Variants in NT5M observed in about 807,000 individuals in gnomAD.
The protein encoded by NT5M is 5'(3')-deoxyribonucleotidase, mitochondrial.
Under a neutral mutation model 22.2 loss-of-function variants are expected in NT5M, and 22 were observed. The observed-to-expected ratio is 0.99, with a 90% CI of 0.71 to 1.41. The LOEUF is 1.41. Ranked by LOEUF, NT5M falls within the 40% of genes most tolerant of loss-of-function variation. The pLI, the probability that NT5M is intolerant of heterozygous loss-of-function variation, is 0.00. For synonymous variants in NT5M, 167 were observed against 133.0 expected (o/e 1.26, Z -1.76); for missense variants, 322 against 314.8 (o/e 1.02, Z -0.17).
chr17:17,323,161 C>T (rs2049187396), intron 2 of NT5M, 24 bp from the exon 3 acceptor site: 9 of 1,611,962 alleles, frequency 5.6e-6, no homozygotes, highest in Non-Finnish European at 7.6e-6. Flanking sequence ...GCTGCAGGCT[C>T]AACCTCCTTT....
chr17:17,346,779 G>T, intron 4 of NT5M, 26 bp from the exon 5 acceptor site: 1 of 1,604,816 alleles, frequency 6.2e-7, no homozygotes, highest in Non-Finnish European at 8.5e-7. Context: ...CCACTGCTGA[G>T]CTGAATGCCG....
chr17:17,312,643 T>TGA (rs1483256168), intron 2 of NT5M, among the ~76,000 whole-genome samples: 1 of 32,230 alleles, frequency 3.1e-5, no homozygotes, highest in Non-Finnish European at 6.8e-5. Flanking sequence ...AAACTCCATC[T>TGA]CAAAAAAAAA....
Position 17,303,576 on chromosome 17 carries a change from C to T in NT5M, c.26C>T (p.Ala9Val). 1 of 1,136,122 alleles carries T rather than the reference C, an allele frequency of 8.8e-7. No individual in the cohort carries two copies. Among genetic ancestry groups the T allele is most frequent in the East Asian group, 5.0e-5 (1 of 20,136 alleles). The allele number at this position is 1,136,122 out of a possible 1,614,324, so 70.4% of individuals were successfully genotyped here. A position where few individuals can be genotyped will look rare whatever the true frequency, so the allele number is the denominator to read the frequency against. The change falls in exon 1 of 5, where the codon GCG (alanine) becomes GTG (valine). Residue 9 changes from alanine to valine, a missense_variant. Coordinates refer to ENST00000389022, the MANE Select transcript of NT5M (RefSeq NM_020201.4). Reference protein sequence around the residue: MIRLGGWCARRLCSAAVPA... With the variant: MIRLGGWCVRRLCSAAVPA... ...ATGATCCGGCTGGGCGGCTGGTGTG[C>T]GCGGCGGCTCTGCAGCGCGGCGGTT...
intron 4 of NT5M, among the ~76,000 whole-genome samples, chr17:17,346,312 G>C (rs2049757394): frequency 6.6e-6 from 1 of 152,240 alleles, no homozygotes; most frequent in Non-Finnish European, 1.5e-5. Context: ...GCACCAGTGT[G>C]GACACGAGGG....
At chr17:17,343,651 TGGCAGAGCCC>T in intron 3 of NT5M, among the ~76,000 whole-genome samples, 1 of 152,036 alleles carries the variant, frequency 6.6e-6, no homozygotes, top group East Asian at 1.9e-4. Context: ...TGCCCCAGGG[TGGCAGAGCCC>T]TGAGCTCCCT....
intron 3 of NT5M, among the ~76,000 whole-genome samples, chr17:17,332,009 C>T (rs1193277613): frequency 8.8e-5 from 13 of 148,304 alleles, no homozygotes; most frequent in Non-Finnish European, 1.5e-4. Context: ...CTTGATTTCC[C>T]GACCTCATGA....
intron 2 of NT5M, among the ~76,000 whole-genome samples, chr17:17,313,610 T>G (rs2048964328): frequency 6.6e-6 from 1 of 152,240 alleles, no homozygotes; most frequent in African/African-American, 2.4e-5. Flanking sequence ...CAGCATCTGC[T>G]GCATGCTCAG....
intron 2 of NT5M, among the ~76,000 whole-genome samples, chr17:17,312,803 AAAT>A (rs2048947983): frequency 6.6e-6 from 1 of 151,786 alleles, no homozygotes; most frequent in Non-Finnish European, 1.5e-5. Context: ...TACTAAAAAA[AAAT>A]AATAATAGTA....
At chr17:17,334,518 C>T (rs371892914) in intron 3 of NT5M, among the ~76,000 whole-genome samples, 163 of 131,532 alleles carry the variant, frequency 1.2e-3, no homozygotes, top group African/African-American at 4.6e-3. Context: ...CTTGCTCTGT[C>T]GCCAGGCTGG....
At chr17:17,324,210 G>A (rs564618495) in intron 3 of NT5M, among the ~76,000 whole-genome samples, 1 of 150,888 alleles carries the variant, frequency 6.6e-6, no homozygotes, top group Non-Finnish European at 1.5e-5. Flanking sequence ...ATGGTCAGGC[G>A]CGGTGGCTCA....
At chr17:17,340,980 T>A (rs957679163) in intron 3 of NT5M, among the ~76,000 whole-genome samples, 7 of 152,324 alleles carry the variant, frequency 4.6e-5, no homozygotes, top group African/African-American at 1.7e-4. Flanking sequence ...CTCTTAGTAC[T>A]GCTTTTGCTG....
chr17:17,332,834 C>A (rs1289879540), intron 3 of NT5M, among the ~76,000 whole-genome samples: 1 of 152,124 alleles, frequency 6.6e-6, no homozygotes, highest in Admixed American at 6.6e-5. Flanking sequence ...CTCCCGGTAT[C>A]CTGCGTTCTG....
intron 2 of NT5M, among the ~76,000 whole-genome samples, chr17:17,312,861 T>G (rs2145335251): frequency 6.6e-6 from 1 of 152,080 alleles, no homozygotes; most frequent in South Asian, 2.1e-4. Flanking sequence ...TAGTCCTAGC[T>G]ACTTGGGAAG....
chr17:17,315,820 T>G (rs11870836), intron 2 of NT5M, among the ~76,000 whole-genome samples: 27,976 of 143,018 alleles, frequency 0.2, 2,935 homozygotes, highest in South Asian at 0.31. Flanking sequence ...AGCGGTGTGA[T>G]CCCAGCTCAC....
intron 3 of NT5M, among the ~76,000 whole-genome samples, chr17:17,336,237 C>A (rs185990532): frequency 6.7e-6 from 1 of 148,272 alleles, no homozygotes; most frequent in South Asian, 2.2e-4. Context: ...CTCCTGACCT[C>A]GTGATCCGCC....
Position 17,306,574 on chromosome 17 carries a change from A to G in NT5M, c.299A>G (p.Asn100Ser). ...GCCATCAGCATTTGGGAGTCAAAGA[A>G]TTTCTTTTTTGAACTTGAGCCTCTG... is the stretch of plus-strand genomic sequence containing the variant. ...EKAISIWESK[N>S]FFFELEPLPG... The change falls in exon 2 of 5, where the codon AAT (asparagine) becomes AGT (serine). Residue 100 changes from asparagine (N) to serine (S), a missense_variant. By Grantham distance (46) the Asn-to-Ser change is conservative. Transcript: ENST00000389022. 6.2e-7 allele frequency: 1 copy of G among 1,613,952 alleles called. No homozygotes were observed. The highest frequency in any genetic ancestry group is 8.5e-7 in the Non-Finnish European group (1 of 1,179,982).
In NT5M at chr17:17,347,034, AGTCC is replaced by A; in HGVS notation, c.*88_*91del. 2.6e-6 allele frequency: 4 copies of A among 1,510,334 alleles called. No homozygotes were observed. Among genetic ancestry groups the A allele is most frequent in the South Asian group, 1.2e-5 (1 of 80,316 alleles). 93.6% of individuals were successfully genotyped at this position (1,510,334 alleles called of 1,614,324 possible). A position where few individuals can be genotyped will look rare whatever the true frequency, so the allele number is the denominator to read the frequency against. On this transcript the variant is annotated 3_prime_UTR_variant, in exon 5 of 5. Coordinates refer to ENST00000389022, the MANE Select transcript of NT5M (RefSeq NM_020201.4). ...TGTGGGGCCAGTATGCTGGTCTGGG[AGTCC>A]CTCCTAGACTCCTGGGCCCCATGAC...
intron 3 of NT5M, among the ~76,000 whole-genome samples, chr17:17,339,917 A>G (rs979847180): frequency 1.6e-4 from 25 of 152,206 alleles, no homozygotes; most frequent in South Asian, 4.1e-4. Context: ...ATATTTATCA[A>G]TGATATTGGC....
At chr17:17,338,787 C>T (rs1383363810) in intron 3 of NT5M, among the ~76,000 whole-genome samples, 8 of 131,840 alleles carry the variant, frequency 6.1e-5, no homozygotes, top group Non-Finnish European at 9.2e-5. Context: ...AGTGCAGTGG[C>T]GCGATCTCGG....
Sources: gnomAD v4.1 joint callset for allele counts (sites outside exome capture counted in the v4.1 genomes callset) on GRCh38, gnomAD v4.1.1 for gene constraint, MANE v1.5 for transcripts, NCBI Gene and HGNC (gene_info 2026-07-23, HGNC 2026-07-21) for gene names.